The following DAPL1 variants were observed in gnomAD, a reference collection of about 807,000 sequenced individuals.
The protein encoded by DAPL1 is death associated protein like 1, also known as death-associated protein-like 1.
Under a neutral mutation model 12.9 loss-of-function variants are expected in DAPL1, and 17 were observed. The ratio of observed to expected loss-of-function variants is 1.32; its 90% CI spans 0.90 to 1.98. The LOEUF is 1.98. DAPL1 is among the 30% of genes most tolerant of loss of function. The probability of loss-of-function intolerance (pLI) is 0.00; values close to 1 mark genes in which losing one functional copy is unlikely to be tolerated. For missense variants in DAPL1, 157 were observed against 125.7 expected (o/e 1.25, Z -1.19); for synonymous variants, 51 against 42.0 (o/e 1.21, Z -0.82).
intron 3 of DAPL1, among the ~76,000 whole-genome samples, chr2:158,811,090 T>C (rs1014796213): frequency 3.9e-5 from 6 of 152,090 alleles, no homozygotes; most frequent in Non-Finnish European, 5.9e-5. Context: ...ACATCCATAA[T>C]GGGGTTGCGT....
rs1352653878 is a variant in DAPL1, at chr2:158,813,841, C to A, written c.208-1864C>A. On this transcript the variant is annotated intron_variant, in intron 3 of 3. Transcript: ENST00000309950. ...AAGTGCTGGGATTGCAGGTGTGGGC[C>A]ACCGAGCCCGGCCTCCTTTCCTTTT... is the stretch of plus-strand genomic sequence containing the variant. 2.0e-5 allele frequency among the ~76,000 whole-genome samples: 3 copies of A among 152,288 alleles called. No individual in the cohort carries two copies. In the East Asian group the frequency reaches 5.8e-4, roughly 29 times the overall value.
chr2:158,813,226 TGGA>T (rs1464237757), intron 3 of DAPL1, among the ~76,000 whole-genome samples: 4 of 152,014 alleles, frequency 2.6e-5, no homozygotes, highest in Non-Finnish European at 5.9e-5. Context: ...GCCAGGGGCT[TGGA>T]GGAGGAGGGA....
chr2:158,799,394 G>A (rs374523700), intron 1 of DAPL1, among the ~76,000 whole-genome samples: 2 of 152,028 alleles, frequency 1.3e-5, no homozygotes, highest in South Asian at 2.1e-4. Flanking sequence ...TAAATGGATC[G>A]ATTTGGATAC....
At chr2:158,796,515 G>C (rs1417955355) in intron 1 of DAPL1, among the ~76,000 whole-genome samples, 1 of 152,110 alleles carries the variant, frequency 6.6e-6, no homozygotes, top group Non-Finnish European at 1.5e-5. Flanking sequence ...ATCAAATTTA[G>C]CAATATTTAA....
At chr2:158,806,947 C>G in intron 2 of DAPL1, 108 bp from the exon 3 acceptor site, 1 of 795,566 alleles carries the variant, frequency 1.3e-6, no homozygotes, top group Non-Finnish European at 2.1e-6. Context: ...TGTTCCTAAG[C>G]AAAGTGAAAG....
chr2:158,813,770 T>A (rs553279546), intron 3 of DAPL1, among the ~76,000 whole-genome samples: 1 of 152,162 alleles, frequency 6.6e-6, no homozygotes, highest in Non-Finnish European at 1.5e-5. Context: ...TTAGCCAGGA[T>A]GGTCTCGATC....
intron 1 of DAPL1, among the ~76,000 whole-genome samples, chr2:158,801,382 A>G (rs1287430609): frequency 2.0e-5 from 3 of 152,200 alleles, no homozygotes; most frequent in Non-Finnish European, 4.4e-5. Flanking sequence ...GCATTAAGCA[A>G]CAGTGCTATG....
chr2:158,813,626 G>C (rs2059243729), intron 3 of DAPL1, among the ~76,000 whole-genome samples: 1 of 149,314 alleles, frequency 6.7e-6, no homozygotes, highest in Non-Finnish European at 1.5e-5. Flanking sequence ...CCCGATCTCG[G>C]CTCACTGCAA....
At chr2:158,805,944 G>T (rs1341547167) in intron 2 of DAPL1, among the ~76,000 whole-genome samples, 2 of 147,980 alleles carry the variant, frequency 1.4e-5, no homozygotes, top group African/African-American at 2.5e-5. Context: ...AACCAAAAAT[G>T]ACCGATATGA....
At chr2:158,797,024 G>T (rs772450663) in intron 1 of DAPL1, among the ~76,000 whole-genome samples, 3 of 152,166 alleles carry the variant, frequency 2.0e-5, no homozygotes, top group Non-Finnish European at 2.9e-5. Flanking sequence ...TCTGTTTGTG[G>T]TGGTGCAAAA....
chr2:158,802,730 A>G (rs1575225975), intron 1 of DAPL1, among the ~76,000 whole-genome samples: 1 of 152,230 alleles, frequency 6.6e-6, no homozygotes, highest in East Asian at 1.9e-4. Context: ...CTACTCTGTA[A>G]TGGAATTGTT....
intron 3 of DAPL1, among the ~76,000 whole-genome samples, chr2:158,809,307 G>A (rs575959372): frequency 1.5e-4 from 19 of 126,748 alleles, no homozygotes; most frequent in African/African-American, 5.1e-4. Context: ...GCAGTGAGCC[G>A]AGATCACGCC....
chr2:158,796,810 G>C lies in DAPL1; in HGVS notation c.58+1380G>C, dbSNP rs914214739. ...ACCACTAATGATTGCTAATTACTCT[G>C]TGTACATAGCACACCATGACTCCAT... On this transcript the variant is annotated intron_variant, in intron 1 of 3. Coordinates refer to ENST00000309950, the MANE Select transcript of DAPL1 (RefSeq NM_001017920.3). Among the ~76,000 whole-genome samples, 3 of 152,282 alleles carry C rather than the reference G, an allele frequency of 2.0e-5. No individual in the cohort carries two copies. In the South Asian group the frequency reaches 6.2e-4, roughly 32 times the overall value.
chr2:158,797,334 C>A (rs535927155), intron 1 of DAPL1, among the ~76,000 whole-genome samples: 1 of 152,074 alleles, frequency 6.6e-6, no homozygotes, highest in Non-Finnish European at 1.5e-5. Context: ...AATGTTAGCC[C>A]CCTTAAAATG....
intron 3 of DAPL1, among the ~76,000 whole-genome samples, chr2:158,812,031 C>T (rs966965548): frequency 2.0e-5 from 3 of 152,150 alleles, no homozygotes; most frequent in Non-Finnish European, 4.4e-5. Flanking sequence ...ATAGACTCTC[C>T]ACCCATAGCC....
At position 158,815,912 on chromosome 2, in the gene DAPL1, A is replaced by G; in HGVS notation, c.*91A>G. 1.1e-6 allele frequency: 1 copy of G among 875,698 alleles called. No homozygotes were observed. Among genetic ancestry groups the G allele is most frequent in the South Asian group, 1.4e-5 (1 of 71,218 alleles). The allele number at this position is 875,698 out of a possible 1,614,324, so 54.2% of individuals were successfully genotyped here. On this transcript the variant is annotated 3_prime_UTR_variant, in exon 4 of 4. Transcript: ENST00000309950. ...CCAAAGCTTTCCATAGGCGTGCTGC[A>G]CTTGCTTGGTAAATTAAGCAGCTTT...
At chr2:158,802,786 A>G (rs145119853) in intron 1 of DAPL1, among the ~76,000 whole-genome samples, 1 of 152,164 alleles carries the variant, frequency 6.6e-6, no homozygotes, top group African/African-American at 2.4e-5. Flanking sequence ...CTCGCCTTGA[A>G]TTTCTTCCTG....
chr2:158,798,147 C>A (rs2059145003), intron 1 of DAPL1, among the ~76,000 whole-genome samples: 1 of 152,174 alleles, frequency 6.6e-6, no homozygotes. Context: ...ATATTTCCTG[C>A]ACTTTTTAAT....
intron 1 of DAPL1, among the ~76,000 whole-genome samples, chr2:158,800,594 T>C (rs1037602335): frequency 1.3e-5 from 2 of 152,186 alleles, no homozygotes; most frequent in African/African-American, 2.4e-5. Context: ...TTAGGAGGAA[T>C]AGAGTTGTCC....
Sources: allele counts gnomAD v4.1 joint callset (sites outside exome capture counted in the v4.1 genomes callset), GRCh38; gene constraint gnomAD v4.1.1; transcripts MANE v1.5; gene names NCBI Gene and HGNC (gene_info 2026-07-23, HGNC 2026-07-21).